Variants in MARCHF1 observed in about 807,000 individuals in gnomAD.
The protein encoded by MARCHF1 is membrane associated ring-CH-type finger 1.
Under a neutral mutation model 54.2 loss-of-function variants are expected in MARCHF1, and 40 were observed. The observed-to-expected ratio is 0.74, with a 90% CI of 0.57 to 0.96. The LOEUF (loss-of-function observed/expected upper bound fraction) is 0.96. MARCHF1 is among the 40% of genes least tolerant of loss of function. The pLI is 0.00. For synonymous variants in MARCHF1, 236 were observed against 236.3 expected, an observed-to-expected ratio of 1.00 and a Z score of 0.01; for missense variants, 586 against 656.5, an observed-to-expected ratio of 0.89 and a Z score of 1.17.
intron 8 of MARCHF1, among the ~76,000 whole-genome samples, chr4:163,576,142 T>C (rs1740029155): frequency 6.6e-6 from 1 of 152,112 alleles, no homozygotes; most frequent in Non-Finnish European, 1.5e-5. Context: ...GATTGTTAAT[T>C]TGAGATCTTC....
chr4:164,172,905 C>T (rs552276306), intron 1 of MARCHF1, among the ~76,000 whole-genome samples: 5 of 150,524 alleles, frequency 3.3e-5, no homozygotes, highest in Admixed American at 6.6e-5. Context: ...GGCGTGAACC[C>T]GCAAGGCGGA....
chr4:163,576,884 C>A (rs1000736299), intron 8 of MARCHF1, among the ~76,000 whole-genome samples: 1 of 151,696 alleles, frequency 6.6e-6, no homozygotes, highest in Admixed American at 6.6e-5. Flanking sequence ...GACCCATCAT[C>A]TTTTCTGTTT....
chr4:164,054,835 G>A (rs1300854226), intron 2 of MARCHF1, among the ~76,000 whole-genome samples: 2 of 148,818 alleles, frequency 1.3e-5, no homozygotes, highest in Non-Finnish European at 3.0e-5. Context: ...GCTAGATGAC[G>A]AGTTAGTGGG....
intron 2 of MARCHF1, among the ~76,000 whole-genome samples, chr4:164,037,585 A>C (rs1754032103): frequency 6.6e-6 from 1 of 152,176 alleles, no homozygotes; most frequent in South Asian, 2.1e-4. Flanking sequence ...GGAAAATTCT[A>C]AGTAATTTTT....
intron 3 of MARCHF1, among the ~76,000 whole-genome samples, chr4:163,891,615 T>G (rs941392868): frequency 6.6e-6 from 1 of 152,156 alleles, no homozygotes; most frequent in Non-Finnish European, 1.5e-5. Flanking sequence ...AGCTTTCTGA[T>G]GCATTCCCAT....
chr4:163,710,612 G>A (rs1300704159), intron 4 of MARCHF1, among the ~76,000 whole-genome samples: 2 of 152,034 alleles, frequency 1.3e-5, no homozygotes, highest in Non-Finnish European at 2.9e-5. Context: ...ATTCCTAGGA[G>A]GAGAACCAAA....
chr4:163,701,564 C>T (rs1744809734), intron 4 of MARCHF1, among the ~76,000 whole-genome samples: 1 of 152,100 alleles, frequency 6.6e-6, no homozygotes, highest in Non-Finnish European at 1.5e-5. Context: ...TAGTTGGGCC[C>T]TCCCGTTTGA....
chr4:163,946,121 T>C (rs1297285224), intron 3 of MARCHF1, among the ~76,000 whole-genome samples: 1 of 152,144 alleles, frequency 6.6e-6, no homozygotes, highest in South Asian at 2.1e-4. Context: ...ATTCAATAAA[T>C]ACATATCTGG....
At chr4:164,027,090 A>G (rs549746117) in intron 2 of MARCHF1, among the ~76,000 whole-genome samples, 1 of 152,208 alleles carries the variant, frequency 6.6e-6, no homozygotes, top group African/African-American at 2.4e-5. Flanking sequence ...AAATGACACA[A>G]ATAAATAGGA....
At chr4:163,818,800 T>TC in intron 4 of MARCHF1, among the ~76,000 whole-genome samples, 1 of 152,242 alleles carries the variant, frequency 6.6e-6, no homozygotes, top group South Asian at 2.1e-4. Flanking sequence ...CTTATGAACC[T>TC]CATGGTCAAG....
At chr4:163,751,748 TCTC>T (rs1252228800) in intron 4 of MARCHF1, among the ~76,000 whole-genome samples, 2 of 152,026 alleles carry the variant, frequency 1.3e-5, no homozygotes, top group African/African-American at 4.8e-5. Context: ...GGATGTCACT[TCTC>T]CTCAAGTAGG....
chr4:163,947,411 G>A (rs4608749), intron 3 of MARCHF1, among the ~76,000 whole-genome samples: 145,099 of 152,190 alleles, frequency 0.95, 69,531 homozygotes, highest in East Asian at 1. Flanking sequence ...TTCTGAAAAT[G>A]TAATGAAGTT....
At chr4:163,980,931 C>A (rs1041410057) in intron 3 of MARCHF1, among the ~76,000 whole-genome samples, 1 of 152,148 alleles carries the variant, frequency 6.6e-6, no homozygotes, top group African/African-American at 2.4e-5. Context: ...CAACTTTCAG[C>A]CACTAAGCAT....
intron 1 of MARCHF1, among the ~76,000 whole-genome samples, chr4:164,264,514 A>C (rs1733553623): frequency 6.6e-6 from 1 of 152,126 alleles, no homozygotes; most frequent in Non-Finnish European, 1.5e-5. Flanking sequence ...AAATCTCCTT[A>C]TCATCTACCT....
chr4:163,960,413 C>T (rs1252400128), intron 3 of MARCHF1, among the ~76,000 whole-genome samples: 1 of 151,992 alleles, frequency 6.6e-6, no homozygotes, highest in East Asian at 1.9e-4. Flanking sequence ...CCTAAATGTC[C>T]ATCAATGACA....
intron 4 of MARCHF1, among the ~76,000 whole-genome samples, chr4:163,769,408 T>G (rs4256198): frequency 6.6e-6 from 1 of 152,014 alleles, no homozygotes. Flanking sequence ...GGTCTAGCCC[T>G]GAGCTAAGCA....
chr4:163,948,953 C>T (rs992363864), intron 3 of MARCHF1, among the ~76,000 whole-genome samples: 13 of 152,212 alleles, frequency 8.5e-5, no homozygotes, highest in Non-Finnish European at 2.9e-5. Context: ...ATCAAGGAGC[C>T]ATCTGACCCA....
At chr4:164,207,456 A>G (rs939705298) in intron 1 of MARCHF1, among the ~76,000 whole-genome samples, 1 of 152,256 alleles carries the variant, frequency 6.6e-6, no homozygotes, top group Non-Finnish European at 1.5e-5. Flanking sequence ...ATAAATGTAT[A>G]AATATAAATT....
chr4:164,270,007 C>T (rs1276566430), intron 1 of MARCHF1, among the ~76,000 whole-genome samples: 4 of 152,118 alleles, frequency 2.6e-5, no homozygotes, highest in African/African-American at 9.7e-5. Flanking sequence ...TATTATGCCA[C>T]CTTTCTTACT....
Sources: gnomAD v4.1 joint callset for allele counts (sites outside exome capture counted in the v4.1 genomes callset) on GRCh38, gnomAD v4.1.1 for gene constraint, MANE v1.5 for transcripts, NCBI Gene and HGNC (gene_info 2026-07-23, HGNC 2026-07-21) for gene names.